ZNF614: variants seen among roughly 807,000 people sequenced by gnomAD.
ZNF614 encodes the protein zinc finger protein 614.
ZNF614 carries 11 observed loss-of-function variants against 12.8 expected under a neutral mutation model. That is an observed-to-expected ratio of 0.86 (90% confidence interval 0.54 to 1.43). ZNF614 has a LOEUF of 1.43. ZNF614 is among the 40% of genes most tolerant of loss of function. The probability of loss-of-function intolerance (pLI) is 0.00; values close to 1 mark genes in which losing one functional copy is unlikely to be tolerated. For synonymous variants in ZNF614, 237 were observed against 237.5 expected, an observed-to-expected ratio of 1.00 and a Z score of 0.02; for missense variants, 664 against 708.8, an observed-to-expected ratio of 0.94 and a Z score of 0.72.
At chr19:52,024,886 C>A (rs1220288632) in intron 2 of ZNF614, among the ~76,000 whole-genome samples, 1 of 152,142 alleles carries the variant, frequency 6.6e-6, no homozygotes, top group Admixed American at 6.5e-5. Context: ...TGACCGTCCC[C>A]CAGCATGACA....
At chr19:52,024,859 G>A (rs1028429777) in intron 2 of ZNF614, among the ~76,000 whole-genome samples, 1 of 152,208 alleles carries the variant, frequency 6.6e-6, no homozygotes, top group Non-Finnish European at 1.5e-5. Flanking sequence ...ATATGGCCTC[G>A]TGGGAAGGGA....
intron 1 of ZNF614, among the ~76,000 whole-genome samples, chr19:52,026,908 T>C (rs2086978746): frequency 6.6e-6 from 1 of 152,204 alleles, no homozygotes; most frequent in Non-Finnish European, 1.5e-5. Context: ...GAGACCTTTG[T>C]TCACATGTTT....
chr19:52,018,192 A>T, intron 3 of ZNF614, 89 bp from the exon 4 acceptor site: 1 of 1,456,432 alleles, frequency 6.9e-7, no homozygotes, highest in Non-Finnish European at 9.6e-7. Flanking sequence ...GAAGAAAACA[A>T]TTTCAAAGTA....
chr19:52,025,767 A>T lies in ZNF614; in HGVS notation c.-22T>A. 1 of 1,613,666 alleles carries T rather than the reference A, an allele frequency of 6.2e-7. No individual in the cohort carries two copies. Among genetic ancestry groups the T allele is most frequent in the East Asian group, 2.2e-5 (1 of 44,864 alleles). Reference sequence around the variant, plus strand: ...TCATTTTCTTCTGTGCTCAGAAAATAGTGGATAACATGGACTATACGTCTT... The same window carrying T: ...TCATTTTCTTCTGTGCTCAGAAAATTGTGGATAACATGGACTATACGTCTT... On this transcript the variant is annotated 5_prime_UTR_variant, in exon 2 of 5. Transcript: ENST00000270649.
Position 52,017,390 on chromosome 19 carries a change from A to G in ZNF614, c.239-31T>C, listed in dbSNP as rs56034209. ...AAAGAACAGAGTAACAAATTCTTCC[A>G]TGAGAATTGTATGAGATAAAAATGC... is the stretch of plus-strand genomic sequence containing the variant. On this transcript the variant is annotated intron_variant, in intron 4 of 4. Coordinates refer to ENST00000270649, the MANE Select transcript of ZNF614 (RefSeq NM_025040.4). The G allele has an allele frequency of 3.6e-3, 5,541 of 1,550,106 alleles. 167 individuals carry two copies. In the African/African-American group the frequency reaches 0.067, roughly 19 times the overall value.
Position 52,018,354 on chromosome 19 carries a change from G to C in ZNF614, c.142+14C>G, listed in dbSNP as rs373047231. On this transcript the variant is annotated intron_variant, in intron 3 of 4. Coordinates refer to ENST00000270649, the MANE Select transcript of ZNF614 (RefSeq NM_025040.4). ...TGTAGGCACCTCTAGGTGACACAGG[G>C]AAACTATTCTTACCCAGTGATACTA... The C allele has an allele frequency of 1.2e-6, 2 of 1,613,926 alleles. No individual in the cohort carries two copies. Among genetic ancestry groups the C allele is most frequent in the East Asian group, 4.5e-5 (2 of 44,872 alleles).
At position 52,018,387 on chromosome 19, in the gene ZNF614, A is replaced by G. The variant is rs750334938; in HGVS notation, c.123T>C (p.Tyr41=). 5.1e-5 allele frequency: 83 copies of G among 1,614,144 alleles called. No homozygotes were observed. In the South Asian group the frequency reaches 8.8e-4, roughly 17 times the overall value. ...TCTTACCCAGTGATACTAGGTGGTT[A>G]TAGTTCTCCACCATCACATCCCGGT... ...NLYRDVMVEN[Y]NHLVSLGYQT... Residue 41 remains tyrosine, a synonymous_variant, in exon 3 of 5, where the codon TAT becomes TAC. Transcript: ENST00000270649.
In ZNF614 at chr19:52,015,613, T is replaced by C. The variant is rs879307547; in HGVS notation, c.*227A>G. 2.3e-6 allele frequency: 1 copy of C among 443,714 alleles called. No homozygotes were observed. The highest frequency in any genetic ancestry group is 4.0e-6 in the Non-Finnish European group (1 of 250,700). The allele number at this position is 443,714 out of a possible 1,614,324, so 27.5% of individuals were successfully genotyped here. ...TCAACGTATTTTCATTGACAGAAAATATGAGGTAAAAGACCACTAAAGGCA... is the reference window on the plus strand; with the variant it reads ...TCAACGTATTTTCATTGACAGAAAACATGAGGTAAAAGACCACTAAAGGCA... On this transcript the variant is annotated 3_prime_UTR_variant, in exon 5 of 5. Coordinates refer to ENST00000270649, the MANE Select transcript of ZNF614 (RefSeq NM_025040.4).
Position 52,016,989 on chromosome 19 carries a change from T to A in ZNF614, c.609A>T (p.Lys203Asn). 6.2e-7 allele frequency: 1 copy of A among 1,613,872 alleles called. No homozygotes were observed. The highest frequency in any genetic ancestry group is 1.3e-5 in the African/African-American group (1 of 74,816). The part of the protein sequence containing the change: ...FKHQRTQKIE[K>N]PHACIECEQT... ...GCTCACATTCAATGCATGCATGGGG[T>A]TTCTCAATTTTCTGAGTCCTCTGAT... Residue 203 changes from lysine (K) to asparagine (N), a missense_variant, in exon 5 of 5, where the codon AAA (lysine) becomes AAT (asparagine). By Grantham distance (94) the Lys-to-Asn change is moderately conservative. Transcript: ENST00000270649.
In ZNF614 at chr19:52,013,918, T is replaced by C. The variant is rs561464974; in HGVS notation, c.*1922A>G. ...TCTGGTTTTGATAATTATGGTTATA[T>C]AGGATATTTTTACTAGAAATTGGTT... On this transcript the variant is annotated 3_prime_UTR_variant, in exon 5 of 5. Coordinates refer to ENST00000270649, the MANE Select transcript of ZNF614 (RefSeq NM_025040.4). 6.6e-6 allele frequency: 1 copy of C among 152,332 alleles called. No individual in the cohort carries two copies. The highest frequency in any genetic ancestry group is 1.5e-5 in the Non-Finnish European group (1 of 68,020). 9.4% of individuals were successfully genotyped at this position (152,332 alleles called of 1,614,324 possible). A position where few individuals can be genotyped will look rare whatever the true frequency, so the allele number is the denominator to read the frequency against.
chr19:52,027,073 T>G (rs554575595), intron 1 of ZNF614, among the ~76,000 whole-genome samples: 37 of 152,340 alleles, frequency 2.4e-4, no homozygotes, highest in Middle Eastern at 6.8e-3. Flanking sequence ...TGGGCCCACT[T>G]TTCTTTCTCT....
rs1467659952 is a variant in ZNF614 at position 52,013,578 on chromosome 19, CAT to C, written c.*2260_*2261del. On this transcript the variant is annotated 3_prime_UTR_variant, in exon 5 of 5. Coordinates refer to ENST00000270649, the MANE Select transcript of ZNF614 (RefSeq NM_025040.4). ...TACATACTCTCTATCAATAAAAATT[CAT>C]ATAACTTATTTATATAAAATTTATA... 6.6e-6 allele frequency: 1 copy of C among 152,014 alleles called. No homozygotes were observed. The highest frequency in any genetic ancestry group is 1.5e-5 in the Non-Finnish European group (1 of 68,010). The allele number at this position is 152,014 out of a possible 1,614,324, so 9.4% of individuals were successfully genotyped here.
intron 2 of ZNF614, among the ~76,000 whole-genome samples, chr19:52,020,794 A>G (rs1192138598): frequency 1.3e-5 from 2 of 152,210 alleles, no homozygotes; most frequent in East Asian, 1.9e-4. Context: ...ATAAACTATC[A>G]AATATGAGTG....
intron 2 of ZNF614, among the ~76,000 whole-genome samples, chr19:52,023,237 C>T (rs2086944633): frequency 6.6e-6 from 1 of 150,786 alleles, no homozygotes; most frequent in Non-Finnish European, 1.5e-5. Context: ...GGCACGATCT[C>T]AGTTCACTGC....
rs759344187 is a variant in ZNF614 at position 52,025,718 on chromosome 19, G to A, written c.15+13C>T. The stretch of plus-strand genomic sequence containing the variant: ...ACCATAAATCTATCAAAAAATCAAA[G>A]GGAAAATATCACCTGGGTCTTGATC... On this transcript the variant is annotated intron_variant, in intron 2 of 4. Coordinates refer to ENST00000270649, the MANE Select transcript of ZNF614 (RefSeq NM_025040.4). 5 of 1,613,892 alleles carry A rather than the reference G, an allele frequency of 3.1e-6. No individual in the cohort carries two copies. In the East Asian group the frequency reaches 8.9e-5, roughly 29 times the overall value.
rs760095747 is a variant in ZNF614, at chr19:52,025,790, C to CT, written c.-46dup. 3 of 1,603,706 alleles carry CT rather than the reference C, an allele frequency of 1.9e-6. No individual in the cohort carries two copies. In the Admixed American group the frequency reaches 5.1e-5, roughly 27 times the overall value. ...ATAGTGGATAACATGGACTATACGT[C>CT]TTTGTCTCTTCTGCATTTGCCATGA... On this transcript the variant is annotated 5_prime_UTR_variant, in exon 2 of 5. It introduces an in-frame stop codon into an upstream open reading frame of the 5' UTR. Coordinates refer to ENST00000270649, the MANE Select transcript of ZNF614 (RefSeq NM_025040.4).
intron 2 of ZNF614, among the ~76,000 whole-genome samples, chr19:52,019,862 A>T (rs2086922965): frequency 6.6e-6 from 1 of 152,224 alleles, no homozygotes; most frequent in Non-Finnish European, 1.5e-5. Context: ...CCAAGGAAAT[A>T]CTGATAAGAG....
In ZNF614 at chr19:52,027,583, T is replaced by C. The variant is rs532130084; in HGVS notation, c.-217+659A>G. On this transcript the variant is annotated intron_variant, in intron 1 of 4. Transcript: ENST00000270649. Reference sequence around the variant, plus strand: ...GAGCTGGAGATTGAAGTCAGCCTCATAGGCAGTCAATTGTGTGTGTGTGTG... The same window carrying C: ...GAGCTGGAGATTGAAGTCAGCCTCACAGGCAGTCAATTGTGTGTGTGTGTG... 2.9e-4 allele frequency among the ~76,000 whole-genome samples: 44 copies of C among 152,308 alleles called. No individual in the cohort carries two copies. The East Asian group carries it at 7.9e-3, about 27-fold the overall frequency.
At position 52,015,863 on chromosome 19, in the gene ZNF614, A is replaced by ACTC. The variant is rs1392605890; in HGVS notation, c.1732_1734dup (p.Glu578dup). The ACTC allele has an allele frequency of 6.2e-7, 1 of 1,612,240 alleles. No homozygotes were observed. Among genetic ancestry groups the ACTC allele is most frequent in the African/African-American group, 1.3e-5 (1 of 74,742 alleles). On this transcript the variant is annotated inframe_insertion, in exon 5 of 5. Transcript: ENST00000270649. ...GTTCACTTATAAGGAAGGAGCTGTG[A>ACTC]CTCTCCATTACAGGAGTTTTCAACT... is the stretch of plus-strand genomic sequence containing the variant.
Sources: gnomAD v4.1 joint callset for allele counts (sites outside exome capture counted in the v4.1 genomes callset) on GRCh38, gnomAD v4.1.1 for gene constraint, MANE v1.5 for transcripts, NCBI Gene and HGNC (gene_info 2026-07-23, HGNC 2026-07-21) for gene names.